KAT6A: variants seen among roughly 807,000 people sequenced by gnomAD.
KAT6A encodes lysine acetyltransferase 6A, also known as histone acetyltransferase KAT6A.
A neutral mutation model predicts 198.4 loss-of-function variants in KAT6A; 9 were observed. That is an observed-to-expected ratio of 0.05 (90% CI 0.03 to 0.08). The LOEUF is 0.08. KAT6A is among the 10% of genes least tolerant of loss of function. KAT6A has a pLI of 1.00. For missense variants in KAT6A, 2,077 were observed against 2,509.9 expected, an observed-to-expected ratio of 0.83 and a Z score of 3.69; for synonymous variants, 890 against 883.0, an observed-to-expected ratio of 1.01 and a Z score of -0.14.
intron 2 of KAT6A, among the ~76,000 whole-genome samples, chr8:42,020,167 G>A (rs1826463009): frequency 6.6e-6 from 1 of 152,060 alleles, no homozygotes; most frequent in African/African-American, 2.4e-5. Context: ...TCTACCACCT[G>A]GTTTTGTAAA....
intron 9 of KAT6A, among the ~76,000 whole-genome samples, chr8:41,953,322 A>G (rs1822757968): frequency 6.6e-6 from 1 of 152,066 alleles, no homozygotes; most frequent in South Asian, 2.1e-4. Context: ...TATCTGTACT[A>G]TAGTCTCCGG....
chr8:41,933,847 C>T lies in KAT6A; in HGVS notation c.4373G>A (p.Ser1458Asn). ...AGGGTCCTCGTCAGCCTGGGTGTAACTCTGCAGGGTCTGACACGCCGCAAG... is the reference window on the plus strand; with the variant it reads ...AGGGTCCTCGTCAGCCTGGGTGTAATTCTGCAGGGTCTGACACGCCGCAAG... The part of the protein sequence containing the change: ...ETLAACQTLQ[S>N]YTQADEDPQM... The change falls in exon 17 of 17, where the codon AGT becomes AAT. Residue 1458 changes from serine to asparagine, a missense_variant. Coordinates refer to ENST00000265713, the MANE Select transcript of KAT6A (RefSeq NM_006766.5). This position sits in a 1 kb window ranked among gnomAD's most constrained non-coding sequence, Gnocchi z 6.2. The T allele has an allele frequency of 1.2e-6, 2 of 1,614,128 alleles. No homozygotes were observed. Among genetic ancestry groups the T allele is most frequent in the Middle Eastern group, 1.6e-4 (1 of 6,062 alleles).
chr8:42,051,116 G>C (rs1388473951), intron 1 of KAT6A, among the ~76,000 whole-genome samples: 1 of 152,178 alleles, frequency 6.6e-6, no homozygotes, highest in African/African-American at 2.4e-5. Flanking sequence ...ATCACGTGAA[G>C]GAGTTCAGAG....
chr8:42,001,228 A>C (rs1825481963), intron 2 of KAT6A, among the ~76,000 whole-genome samples: 1 of 152,172 alleles, frequency 6.6e-6, no homozygotes, highest in South Asian at 2.1e-4. Flanking sequence ...TTCCACTCCC[A>C]GAGAATTATT....
intron 9 of KAT6A, among the ~76,000 whole-genome samples, chr8:41,950,943 G>C (rs1822640281): frequency 6.6e-6 from 1 of 152,032 alleles, no homozygotes; most frequent in Non-Finnish European, 1.5e-5. Flanking sequence ...AGGGAGAGGG[G>C]AGAGAGGAAG....
chr8:41,946,540 A>G, intron 12 of KAT6A, 51 bp downstream of exon 12: 2 of 896,382 alleles, frequency 2.2e-6, no homozygotes, highest in Non-Finnish European at 1.9e-6. Flanking sequence ...ACACACACAC[A>G]CAGAGAAGGT....
chr8:42,021,585 T>C (rs1330355240), intron 2 of KAT6A, among the ~76,000 whole-genome samples: 1 of 152,188 alleles, frequency 6.6e-6, no homozygotes, highest in African/African-American at 2.4e-5. Flanking sequence ...CTGCTCTTAA[T>C]ACTCTTAACT....
At chr8:42,042,564 T>C (rs574498296) in intron 2 of KAT6A, among the ~76,000 whole-genome samples, 2 of 152,098 alleles carry the variant, frequency 1.3e-5, no homozygotes, top group South Asian at 2.1e-4. Flanking sequence ...TAAAACAAAA[T>C]AATTTGGACT....
intron 12 of KAT6A, among the ~76,000 whole-genome samples, chr8:41,945,363 C>A (rs947166909): frequency 6.6e-6 from 1 of 151,700 alleles, no homozygotes; most frequent in Non-Finnish European, 1.5e-5. Context: ...CTCCACCTCC[C>A]GGGTTCAAGC....
At chr8:42,007,987 A>AT (rs1212819594) in intron 2 of KAT6A, among the ~76,000 whole-genome samples, 4 of 124,252 alleles carry the variant, frequency 3.2e-5, no homozygotes, top group Non-Finnish European at 3.4e-5. Flanking sequence ...AAAAAAAAAA[A>AT]TTTTTATTGT....
At chr8:42,020,991 CTTG>C (rs576313966) in intron 2 of KAT6A, among the ~76,000 whole-genome samples, 13 of 151,774 alleles carry the variant, frequency 8.6e-5, no homozygotes, top group East Asian at 3.8e-4. Context: ...GGGTACTCTG[CTTG>C]TTGTTGTTGT....
At chr8:42,023,935 T>C (rs761375233) in intron 2 of KAT6A, among the ~76,000 whole-genome samples, 14 of 152,170 alleles carry the variant, frequency 9.2e-5, no homozygotes, top group Non-Finnish European at 1.6e-4. Context: ...ATCACTGTAT[T>C]CCACTGTCCC....
At chr8:41,957,247 A>T in intron 8 of KAT6A, 1 of 570,168 alleles carries the variant, frequency 1.8e-6, no homozygotes, top group South Asian at 1.4e-5. Flanking sequence ...TTGCACCGTG[A>T]AACGTTCCTG....
At chr8:41,962,596 A>T (rs774809274) in intron 8 of KAT6A, among the ~76,000 whole-genome samples, 2 of 144,450 alleles carry the variant, frequency 1.4e-5, no homozygotes, top group South Asian at 2.3e-4. Context: ...CCCTGCTTGT[A>T]TACTGCCCCC....
chr8:42,002,248 C>G (rs1252099008), intron 2 of KAT6A, among the ~76,000 whole-genome samples: 1 of 152,186 alleles, frequency 6.6e-6, no homozygotes, highest in Non-Finnish European at 1.5e-5. Context: ...AGATACAAAC[C>G]CAGGCAGTCT....
At chr8:41,939,824 A>C (rs888799124) in intron 15 of KAT6A, among the ~76,000 whole-genome samples, 2 of 152,218 alleles carry the variant, frequency 1.3e-5, no homozygotes, top group African/African-American at 4.8e-5. Flanking sequence ...CGTTAGGGAA[A>C]ACTATGGAAA....
chr8:41,932,202 T>C lies in KAT6A; in HGVS notation c.*3A>G, dbSNP rs1821581992. The C allele has an allele frequency of 6.4e-7, 1 of 1,551,240 alleles. No individual in the cohort carries two copies. Among genetic ancestry groups the C allele is most frequent in the Non-Finnish European group, 8.7e-7 (1 of 1,149,712 alleles). On this transcript the variant is annotated 3_prime_UTR_variant, in exon 17 of 17. Transcript: ENST00000265713. ...TAAGTTTTTGATTGCAAGTTCATCT[T>C]GCTCATCTTCTCATGTAAGGTCCGT...
At chr8:41,934,915 T>C (rs569425135) in intron 16 of KAT6A, 48 bp from the exon 17 acceptor site, 5 of 1,432,670 alleles carry the variant, frequency 3.5e-6, no homozygotes, top group Non-Finnish European at 3.8e-6. Context: ...GGTCTTACAT[T>C]TTCTAGTTCC....
chr8:41,931,218 A>G lies in KAT6A; in HGVS notation c.*987T>C. ...TTATCAGTCAAAGGCTCAAGCATCA[A>G]GACCCTCAGTTAGCATTTCAAAGTA... On this transcript the variant is annotated 3_prime_UTR_variant, in exon 17 of 17. Transcript: ENST00000265713. The G allele has an allele frequency of 9.0e-6, 2 of 222,922 alleles. No individual in the cohort carries two copies. Among genetic ancestry groups the G allele is most frequent in the Non-Finnish European group, 1.8e-5 (2 of 111,298 alleles). The allele number at this position is 222,922 out of a possible 1,614,324, so 13.8% of individuals were successfully genotyped here.
Sources: gnomAD v4.1 joint callset for allele counts (sites outside exome capture counted in the v4.1 genomes callset) on GRCh38, gnomAD v4.1.1 for gene constraint, Gnocchi (gnomAD v3.1) non-coding constraint, MANE v1.5 for transcripts, NCBI Gene and HGNC (gene_info 2026-07-23, HGNC 2026-07-21) for gene names.